TMOD1: variants seen among roughly 807,000 people sequenced by gnomAD.
The protein encoded by TMOD1 is tropomodulin-1.
A neutral mutation model predicts 40.6 loss-of-function variants in TMOD1; 17 were observed. The observed-to-expected ratio is 0.42, with a 90% confidence interval of 0.29 to 0.63. TMOD1 has a LOEUF of 0.63. Ranked by LOEUF, TMOD1 falls within the 20% of genes least tolerant of loss-of-function variation. The pLI is 0.22. For synonymous variants in TMOD1, 181 were observed against 175.0 expected (o/e 1.03, Z -0.27); for missense variants, 391 against 447.6 (o/e 0.87, Z 1.14).
intron 5 of TMOD1, among the ~76,000 whole-genome samples, chr9:97,563,166 A>C (rs1830667885): frequency 6.6e-6 from 1 of 152,000 alleles, no homozygotes; most frequent in Non-Finnish European, 1.5e-5. Flanking sequence ...CGATCCTCCC[A>C]CCTCTGCCTC....
intron 8 of TMOD1, among the ~76,000 whole-genome samples, chr9:97,574,474 T>A (rs1830885578): frequency 6.6e-6 from 1 of 152,212 alleles, no homozygotes; most frequent in South Asian, 2.1e-4. Context: ...CGTGGTCTCC[T>A]GAGCGGCCCG....
intron 9 of TMOD1, among the ~76,000 whole-genome samples, chr9:97,594,088 G>A (rs1239785871): frequency 6.6e-6 from 1 of 152,152 alleles, no homozygotes; most frequent in East Asian, 1.9e-4. Flanking sequence ...GGAAGCAGGT[G>A]GGAAGCAGAG....
In TMOD1 at chr9:97,600,134, A is replaced by T; in HGVS notation, c.*436A>T. On this transcript the variant is annotated 3_prime_UTR_variant, in exon 10 of 10. Transcript: ENST00000259365. ...TACAAATTTGTCTTAGCTATTAGCA[A>T]ATAAAACTGATTATCATTCTTTATT... is the stretch of plus-strand genomic sequence containing the variant. The T allele has an allele frequency of 1.0e-6, 1 of 1,003,304 alleles. No individual in the cohort carries two copies. Among genetic ancestry groups the T allele is most frequent in the Non-Finnish European group, 1.2e-6 (1 of 838,788 alleles). 62.2% of individuals were successfully genotyped at this position (1,003,304 alleles called of 1,614,324 possible). A position where few individuals can be genotyped will look rare whatever the true frequency, so the allele number is the denominator to read the frequency against.
chr9:97,600,644 T>A lies in TMOD1; in HGVS notation c.*946T>A, dbSNP rs1029695108. 1.0e-6 allele frequency: 1 copy of A among 989,788 alleles called. No individual in the cohort carries two copies. The highest frequency in any genetic ancestry group is 1.2e-6 in the Non-Finnish European group (1 of 832,746). 61.3% of individuals were successfully genotyped at this position (989,788 alleles called of 1,614,324 possible). A position where few individuals can be genotyped will look rare whatever the true frequency, so the allele number is the denominator to read the frequency against. On this transcript the variant is annotated 3_prime_UTR_variant, in exon 10 of 10. Coordinates refer to ENST00000259365, the MANE Select transcript of TMOD1 (RefSeq NM_003275.4). ...AGCTTAGAGACTTCAGCTACTGATC[T>A]CATCACTTATTAGACAAATTGCTGC...
chr9:97,571,598 A>G (rs1830818851), intron 8 of TMOD1, among the ~76,000 whole-genome samples: 1 of 152,230 alleles, frequency 6.6e-6, no homozygotes, highest in Admixed American at 6.5e-5. Flanking sequence ...AATGTTCACA[A>G]AGACTCTGTA....
chr9:97,532,251 G>A (rs1355063325), intron 2 of TMOD1, among the ~76,000 whole-genome samples: 1 of 152,204 alleles, frequency 6.6e-6, no homozygotes, highest in Non-Finnish European at 1.5e-5. Context: ...CTGGTGGGGT[G>A]AGGGCAAGTC....
At chr9:97,543,524 A>G (rs1486485211) in intron 2 of TMOD1, among the ~76,000 whole-genome samples, 1 of 152,240 alleles carries the variant, frequency 6.6e-6, no homozygotes, top group Non-Finnish European at 1.5e-5. Context: ...TCTATGAGAG[A>G]GCAACTCTCA....
At chr9:97,597,320 A>G (rs1015335919) in intron 9 of TMOD1, among the ~76,000 whole-genome samples, 1 of 152,212 alleles carries the variant, frequency 6.6e-6, no homozygotes, top group African/African-American at 2.4e-5. Flanking sequence ...CCTGGTCTCA[A>G]CTTCCTTCAT....
intron 4 of TMOD1, among the ~76,000 whole-genome samples, chr9:97,555,916 G>T (rs187608136): frequency 6.6e-6 from 1 of 152,162 alleles, no homozygotes; most frequent in Non-Finnish European, 1.5e-5. Flanking sequence ...AGCCCTCCAG[G>T]GTAGGGGAGG....
In TMOD1 at chr9:97,600,933, G is replaced by A. The variant is rs1164372678; in HGVS notation, c.*1235G>A. 2 of 1,141,432 alleles carry A rather than the reference G, an allele frequency of 1.8e-6. No homozygotes were observed. Among genetic ancestry groups the A allele is most frequent in the Non-Finnish European group, 2.2e-6 (2 of 907,484 alleles). The allele number at this position is 1,141,432 out of a possible 1,614,324, so 70.7% of individuals were successfully genotyped here. On this transcript the variant is annotated 3_prime_UTR_variant, in exon 10 of 10. Transcript: ENST00000259365. ...ATATTTTTGTTTGTTGCTTTTGGGA[G>A]TTATTTTCATTAGTGATTTCAGCAA...
chr9:97,552,448 C>A (rs533854638), intron 3 of TMOD1, among the ~76,000 whole-genome samples: 1 of 152,184 alleles, frequency 6.6e-6, no homozygotes, highest in East Asian at 1.9e-4. Context: ...TATCTTTATA[C>A]GTTTATTATT....
chr9:97,580,968 T>G (rs1305085967), intron 8 of TMOD1, among the ~76,000 whole-genome samples: 1 of 113,884 alleles, frequency 8.8e-6, no homozygotes, highest in Non-Finnish European at 1.8e-5. Context: ...TTGGCATAAT[T>G]CTTTTTTATT....
chr9:97,594,063 C>T (rs546108396), intron 9 of TMOD1, among the ~76,000 whole-genome samples: 3 of 152,190 alleles, frequency 2.0e-5, no homozygotes, highest in African/African-American at 7.2e-5. Flanking sequence ...ATGTCAAGCT[C>T]AGGGGCCTGG....
chr9:97,533,004 A>C (rs1182988791), intron 2 of TMOD1, among the ~76,000 whole-genome samples: 1 of 152,200 alleles, frequency 6.6e-6, no homozygotes, highest in African/African-American at 2.4e-5. Context: ...AGCGCCCAGC[A>C]TTTTCAGCTC....
rs1409236913 is a variant in TMOD1, at chr9:97,601,385, G to C, written c.*1687G>C. 7.6e-6 allele frequency: 8 copies of C among 1,056,156 alleles called. No individual in the cohort carries two copies. Among genetic ancestry groups the C allele is most frequent in the African/African-American group, 1.7e-5 (1 of 58,540 alleles). 65.4% of individuals were successfully genotyped at this position (1,056,156 alleles called of 1,614,324 possible). On this transcript the variant is annotated 3_prime_UTR_variant, in exon 10 of 10. Transcript: ENST00000259365. ...GAATGTGTCATGTATTCCAGGTGCT[G>C]ATCTAAAAACTGTGGCTCAAATGTC...
intron 1 of TMOD1, among the ~76,000 whole-genome samples, chr9:97,508,183 C>A (rs1393698693): frequency 1.3e-5 from 2 of 151,088 alleles, no homozygotes; most frequent in African/African-American, 4.9e-5. Context: ...TAACTTTTAA[C>A]ATTTCTTTCT....
chr9:97,524,103 T>C, intron 1 of TMOD1, 38 bp from the exon 2 acceptor site: 1 of 1,497,804 alleles, frequency 6.7e-7, no homozygotes, highest in Non-Finnish European at 8.9e-7. Flanking sequence ...AGAGCAAATC[T>C]GAGACGGGTC....
At chr9:97,520,417 G>A (rs1829895963) in intron 1 of TMOD1, among the ~76,000 whole-genome samples, 2 of 152,032 alleles carry the variant, frequency 1.3e-5, no homozygotes, top group African/African-American at 2.4e-5. Flanking sequence ...TGGGCTCTCT[G>A]AACACACTGT....
chr9:97,563,479 C>T (rs1830671620), intron 5 of TMOD1, among the ~76,000 whole-genome samples: 2 of 152,196 alleles, frequency 1.3e-5, no homozygotes, highest in Admixed American at 1.3e-4. Context: ...TTTATCCTTT[C>T]CCCACTAGTT....
Sources: gnomAD v4.1 joint callset for allele counts (sites outside exome capture counted in the v4.1 genomes callset) on GRCh38, gnomAD v4.1.1 for gene constraint, MANE v1.5 for transcripts, NCBI Gene and HGNC (gene_info 2026-07-23, HGNC 2026-07-21) for gene names.